Variants in NELL1 observed in about 807,000 individuals in gnomAD.
NELL1 encodes the protein neural EGFL like 1, also known as protein kinase C-binding protein NELL1.
NELL1 carries 76 observed loss-of-function variants against 107.4 expected under a neutral mutation model. The ratio of observed to expected loss-of-function variants is 0.71; its 90% CI spans 0.59 to 0.86. The LOEUF (loss-of-function observed/expected upper bound fraction) is 0.86, where lower values mean the gene tolerates loss of function less well. Among genes scored for constraint, NELL1 ranks in the 40% least tolerant of loss-of-function variants. NELL1 has a pLI of 0.00. For missense variants in NELL1, 1,024 were observed against 1,005.5 expected (o/e 1.02, Z -0.25); for synonymous variants, 353 against 341.2 (o/e 1.03, Z -0.38).
At chr11:21,068,032 CAAAAAAAA>C (rs1195285619) in intron 12 of NELL1, among the ~76,000 whole-genome samples, 1 of 40,382 alleles carries the variant, frequency 2.5e-5, no homozygotes, top group African/African-American at 1.0e-4. Context: ...GATGCCATCT[CAAAAAAAA>C]AAAAAAAAAA....
At chr11:21,447,218 G>A (rs917855874) in intron 15 of NELL1, among the ~76,000 whole-genome samples, 3 of 152,146 alleles carry the variant, frequency 2.0e-5, no homozygotes, top group African/African-American at 7.2e-5. Flanking sequence ...TCATCCCAGA[G>A]CCAAGGACTG....
At chr11:20,731,663 G>A (rs747779119) in intron 2 of NELL1, among the ~76,000 whole-genome samples, 4 of 152,174 alleles carry the variant, frequency 2.6e-5, no homozygotes, top group African/African-American at 4.8e-5. Flanking sequence ...TTCACAAGCC[G>A]GGTAGGTTAG....
At chr11:21,501,296 CTTA>C (rs1855134405) in intron 15 of NELL1, among the ~76,000 whole-genome samples, 1 of 152,014 alleles carries the variant, frequency 6.6e-6, no homozygotes, top group Non-Finnish European at 1.5e-5. Flanking sequence ...CCTTTTTGTT[CTTA>C]TTCAATCTGA....
chr11:21,449,052 T>G (rs1363068715), intron 15 of NELL1, among the ~76,000 whole-genome samples: 2 of 152,202 alleles, frequency 1.3e-5, no homozygotes, highest in Non-Finnish European at 2.9e-5. Context: ...GTGCTTTTAT[T>G]CCCTCTCTTG....
intron 4 of NELL1, among the ~76,000 whole-genome samples, chr11:20,871,922 G>A (rs1472717150): frequency 6.7e-6 from 1 of 150,232 alleles, no homozygotes; most frequent in African/African-American, 2.4e-5. Flanking sequence ...AGGAGGCTGA[G>A]GTGGGAGAAT....
At chr11:21,549,100 G>C (rs1218876508) in intron 16 of NELL1, among the ~76,000 whole-genome samples, 2 of 151,704 alleles carry the variant, frequency 1.3e-5, no homozygotes, top group Non-Finnish European at 2.9e-5. Flanking sequence ...GAATATCCAA[G>C]ATTCCAAGTG....
At position 20,877,681 on chromosome 11, in the gene NELL1, CT is replaced by C. The variant is rs1311713763; in HGVS notation, c.507-7760del. Among the ~76,000 whole-genome samples the C allele has an allele frequency of 4.6e-5, 7 of 152,350 alleles. No homozygotes were observed. In the East Asian group the frequency reaches 1.4e-3, roughly 29 times the overall value. The stretch of plus-strand genomic sequence containing the variant: ...TGTGAGCCCTTGATTCAATGATTGA[CT>C]TTGACAAGGAGTGTGGCAGTTACTC... On this transcript the variant is annotated intron_variant, in intron 4 of 19. Coordinates refer to ENST00000357134, the MANE Select transcript of NELL1 (RefSeq NM_006157.5).
intron 2 of NELL1, among the ~76,000 whole-genome samples, chr11:20,751,185 T>A (rs561183128): frequency 3.9e-5 from 6 of 152,124 alleles, no homozygotes; most frequent in African/African-American, 1.2e-4. Flanking sequence ...TTTTTTTTTT[T>A]TATGACTGCT....
intron 15 of NELL1, among the ~76,000 whole-genome samples, chr11:21,507,686 AAG>A (rs1855317950): frequency 6.6e-6 from 1 of 152,146 alleles, no homozygotes; most frequent in African/African-American, 2.4e-5. Flanking sequence ...CTGAATAAAA[AAG>A]AAAAAAATAA....
At chr11:21,522,007 G>C (rs1167226719) in intron 15 of NELL1, among the ~76,000 whole-genome samples, 5 of 152,128 alleles carry the variant, frequency 3.3e-5, no homozygotes, top group Non-Finnish European at 7.4e-5. Context: ...TTCGTTTCCT[G>C]TCAGATCCAT....
chr11:20,872,643 G>A (rs1849224304), intron 4 of NELL1, among the ~76,000 whole-genome samples: 1 of 151,224 alleles, frequency 6.6e-6, no homozygotes. Flanking sequence ...ACTAATCCCT[G>A]CTTGAATGTG....
At chr11:20,883,763 A>G (rs1330077238) in intron 4 of NELL1, among the ~76,000 whole-genome samples, 1 of 152,130 alleles carries the variant, frequency 6.6e-6, no homozygotes, top group Non-Finnish European at 1.5e-5. Context: ...CATATTCATC[A>G]CACTTAATGA....
chr11:21,355,647 T>C (rs1470103482), intron 14 of NELL1, among the ~76,000 whole-genome samples: 1 of 152,346 alleles, frequency 6.6e-6, no homozygotes, highest in African/African-American at 2.4e-5. Context: ...AATGTGTCCA[T>C]GATTGACCAC....
intron 2 of NELL1, among the ~76,000 whole-genome samples, chr11:20,679,653 A>G (rs915870735): frequency 1.3e-5 from 2 of 152,150 alleles, no homozygotes; most frequent in Admixed American, 1.3e-4. Flanking sequence ...TTGAGAGTCC[A>G]TACCTTTCTT....
At chr11:21,317,886 T>C (rs928950006) in intron 14 of NELL1, among the ~76,000 whole-genome samples, 2 of 152,260 alleles carry the variant, frequency 1.3e-5, no homozygotes, top group African/African-American at 4.8e-5. Flanking sequence ...AGAATTCTAA[T>C]ATTATTATTA....
intron 2 of NELL1, among the ~76,000 whole-genome samples, chr11:20,762,389 A>T (rs1856440393): frequency 6.6e-6 from 1 of 152,226 alleles, no homozygotes. Flanking sequence ...ACCCTCTCCA[A>T]TGGCTGCTAT....
chr11:21,177,327 T>A (rs544264734), intron 13 of NELL1, among the ~76,000 whole-genome samples: 1 of 151,956 alleles, frequency 6.6e-6, no homozygotes, highest in East Asian at 1.9e-4. Context: ...AGTTTGACTT[T>A]TTTAGATTCC....
At chr11:20,794,508 G>C (rs142202748) in intron 3 of NELL1, among the ~76,000 whole-genome samples, 1 of 152,306 alleles carries the variant, frequency 6.6e-6, no homozygotes, top group East Asian at 1.9e-4. Flanking sequence ...ATTGCCCTGG[G>C]TGTGCTACAC....
intron 3 of NELL1, among the ~76,000 whole-genome samples, chr11:20,827,414 C>T (rs1212807166): frequency 6.6e-6 from 1 of 151,198 alleles, no homozygotes; most frequent in African/African-American, 2.4e-5. Flanking sequence ...TAGGGATGTA[C>T]CATATTTATA....
Sources: allele counts gnomAD v4.1 joint callset (sites outside exome capture counted in the v4.1 genomes callset), GRCh38; gene constraint gnomAD v4.1.1; transcripts MANE v1.5; gene names NCBI Gene and HGNC (gene_info 2026-07-23, HGNC 2026-07-21).